The following WDR18 variants were observed in gnomAD, a reference collection of about 807,000 sequenced individuals.
The protein encoded by WDR18 is WD repeat-containing protein 18.
WDR18 carries 33 observed loss-of-function variants against 49.6 expected under a neutral mutation model. That is an observed-to-expected ratio of 0.67 (90% CI 0.50 to 0.89). The LOEUF (loss-of-function observed/expected upper bound fraction) is 0.89. Ranked by LOEUF, WDR18 falls within the 40% of genes least tolerant of loss-of-function variation. The pLI is 0.00. For synonymous variants in WDR18, 315 were observed against 263.6 expected (o/e 1.19, Z -1.89); for missense variants, 653 against 593.6 (o/e 1.10, Z -1.04).
chr19:990,567 G>A (rs1165340533), intron 4 of WDR18: 5 of 908,572 alleles, frequency 5.5e-6, no homozygotes, highest in Non-Finnish European at 7.9e-6. Flanking sequence ...TTCTGGCCCG[G>A]CTCCCTGGCC....
intron 2 of WDR18, among the ~76,000 whole-genome samples, chr19:988,175 T>C (rs2285899): frequency 0.46 from 69,247 of 151,596 alleles, 16,596 homozygotes; most frequent in Non-Finnish European, 0.54. Context: ...TGAAGGGGTG[T>C]CCCACATAGC....
chr19:992,640 G>A (rs1343826129), intron 8 of WDR18, among the ~76,000 whole-genome samples: 6 of 152,302 alleles, frequency 3.9e-5, no homozygotes, highest in Non-Finnish European at 7.4e-5. Context: ...GCAGGTACTA[G>A]GGTGGGCTCC....
intron 7 of WDR18, 95 bp from the exon 8 acceptor site, chr19:991,860 G>GT (rs1214760847): frequency 7.5e-7 from 1 of 1,325,088 alleles, no homozygotes; most frequent in Admixed American, 3.3e-5. Flanking sequence ...GGGACTGGCT[G>GT]GGGGCGGGGA....
chr19:984,511 T>C lies in WDR18; in HGVS notation c.158T>C (p.Leu53Pro). ...GCGCTGCTCAATGGCGAGTATCTGC[T>C]GGCGGCGCAGCTGGGCAAGAATTAC... is the stretch of plus-strand genomic sequence containing the variant. Reference protein sequence around the residue: ...GLALLNGEYLLAAQLGKNYIS... With the variant: ...GLALLNGEYLPAAQLGKNYIS... Residue 53 changes from leucine to proline, a missense_variant, in exon 1 of 10, where the codon CTG becomes CCG. By Grantham distance (98) the Leu-to-Pro change is moderately conservative. Transcript: ENST00000585809. 2 of 1,546,742 alleles carry C rather than the reference T, an allele frequency of 1.3e-6. No individual in the cohort carries two copies. Among genetic ancestry groups the C allele is most frequent in the Non-Finnish European group, 1.7e-6 (2 of 1,148,170 alleles).
chr19:990,756 G>T, intron 4 of WDR18, 96 bp from the exon 5 acceptor site: 1 of 1,487,764 alleles, frequency 6.7e-7, no homozygotes, highest in East Asian at 2.3e-5. Flanking sequence ...AGGGCCAGAG[G>T]ACAGCCGACG....
At chr19:994,128 GT>G in intron 9 of WDR18, 40 bp downstream of exon 9, 1 of 1,549,192 alleles carries the variant, frequency 6.5e-7, no homozygotes, top group Non-Finnish European at 8.7e-7. Context: ...TGAGGCTGGG[GT>G]CAGTCCTGGC....
chr19:991,387 C>G (rs1358161857), intron 7 of WDR18, 36 bp downstream of exon 7: 2 of 1,476,750 alleles, frequency 1.4e-6, no homozygotes, highest in East Asian at 5.4e-5. Flanking sequence ...GGCCAGCGCG[C>G]AGGGGAAAAA....
rs2038490267 is a variant in WDR18, at chr19:987,828, A to ATTTTTTTTTTTTTTTT, written c.321+1853_321+1854insTTTTTTTTTTTTTTTT. 1.5e-4 allele frequency among the ~76,000 whole-genome samples: 7 copies of ATTTTTTTTTTTTTTTT among 47,826 alleles called. No individual in the cohort carries two copies. In the East Asian group the frequency reaches 1.9e-3, roughly 13 times the overall value. 31.4% of individuals were successfully genotyped at this position (47,826 alleles called of 152,430 possible). ...GACCCCTGCTCCCCTAGCCGCCTCC[A>ATTTTTTTTTTTTTTTT]GTTTTTTTTTTTTTTTTTTTTTTTC... On this transcript the variant is annotated intron_variant, in intron 2 of 9. Transcript: ENST00000585809.
intron 7 of WDR18, 112 bp from the exon 8 acceptor site, chr19:991,826 GGGGCGTGGACTGGCTGT>G: frequency 9.7e-7 from 1 of 1,032,726 alleles, no homozygotes; most frequent in Non-Finnish European, 1.3e-6. Flanking sequence ...GGCCTGGCTG[GGGGCGTGGACTGGCTGT>G]GGGGCGGGGA....
rs914237118 is a variant in WDR18 at position 994,364 on chromosome 19, G to A, written c.*20G>A. The A allele has an allele frequency of 3.1e-6, 5 of 1,595,606 alleles. No homozygotes were observed. The highest frequency in any genetic ancestry group is 1.3e-5 in the African/African-American group (1 of 74,716). On this transcript the variant is annotated 3_prime_UTR_variant, in exon 10 of 10. Coordinates refer to ENST00000585809, the MANE Select transcript of WDR18 (RefSeq NM_024100.4). ...AAGTGAGGCCCGGAGACCCCGGCCC[G>A]AGGCGCCCAGGCCTGAGCCCCATGC... is the stretch of plus-strand genomic sequence containing the variant.
chr19:990,816 G>T, intron 4 of WDR18, 36 bp from the exon 5 acceptor site: 2 of 1,562,138 alleles, frequency 1.3e-6, no homozygotes. Flanking sequence ...GGTTCCCCCT[G>T]CCGGGCCGAG....
In WDR18 at chr19:984,437, C is replaced by T. The variant is rs897045530; in HGVS notation, c.84C>T (p.Gly28=). 4.1e-5 allele frequency: 66 copies of T among 1,600,146 alleles called. No homozygotes were observed. The highest frequency in any genetic ancestry group is 8.5e-5 in the Admixed American group (5 of 58,828). Residue 28 remains glycine, a synonymous_variant, in exon 1 of 10, where the codon GGC becomes GGT. Transcript: ENST00000585809. ...WSCIVWELHS[G]ANLLTYRGGQ... ...GCATCGTGTGGGAACTTCACTCGGG[C>T]GCCAACCTGCTCACCTACCGCGGCG...
At position 994,310 on chromosome 19, in the gene WDR18, TCTC is replaced by T; in HGVS notation, c.1267_1269del (p.Ser423del). The T allele has an allele frequency of 6.2e-7, 1 of 1,611,056 alleles. No homozygotes were observed. Among genetic ancestry groups the T allele is most frequent in the Non-Finnish European group, 8.5e-7 (1 of 1,179,342 alleles). On this transcript the variant is annotated inframe_deletion, in exon 10 of 10. Transcript: ENST00000585809. The stretch of plus-strand genomic sequence containing the variant: ...AAGATCAATCGGGACCTGTTCGACT[TCTC>T]CACGCGCTTCATCACGCGGCCGGCC...
chr19:992,090 G>C lies in WDR18; in HGVS notation c.1067G>C (p.Gly356Ala). Residue 356 changes from glycine to alanine, a missense_variant, in exon 8 of 10, where the codon GGC becomes GCC. Coordinates refer to ENST00000585809, the MANE Select transcript of WDR18 (RefSeq NM_024100.4). ...CACGGGGACGAGCCGCGCCACGGGGGCCTCACTCTGCGCCTGGGCCTCCAC... is the reference window on the plus strand; with the variant it reads ...CACGGGGACGAGCCGCGCCACGGGGCCCTCACTCTGCGCCTGGGCCTCCAC... ...AEHGDEPRHG[G>A]LTLRLGLHQQ... is the part of the protein sequence containing the mutation. The C allele has an allele frequency of 3.3e-6, 5 of 1,533,534 alleles. No individual in the cohort carries two copies. The highest frequency in any genetic ancestry group is 4.4e-6 in the Non-Finnish European group (5 of 1,145,558). 95.0% of individuals were successfully genotyped at this position (1,533,534 alleles called of 1,614,324 possible).
chr19:988,041 G>T (rs900582003), intron 2 of WDR18, among the ~76,000 whole-genome samples: 2 of 151,916 alleles, frequency 1.3e-5, no homozygotes, highest in East Asian at 3.9e-4. Context: ...GGTTGGCCAG[G>T]CTGGTTTCGA....
In WDR18 at chr19:987,325, A is replaced by C. The variant is rs2038485234; in HGVS notation, c.321+1350A>C. 2.0e-5 allele frequency among the ~76,000 whole-genome samples: 3 copies of C among 152,214 alleles called. No homozygotes were observed. In the South Asian group the frequency reaches 6.2e-4, roughly 31 times the overall value. ...ACCACTGCACTCCAGCCTGGGTGAC[A>C]GAGCAAGACCTTGTCTCCAAAGAAA... On this transcript the variant is annotated intron_variant, in intron 2 of 9. Coordinates refer to ENST00000585809, the MANE Select transcript of WDR18 (RefSeq NM_024100.4).
Position 991,064 on chromosome 19 carries a change from C to A in WDR18, c.742-17C>A. ...GGGCATCGGGCCTGCGGCTCACACA[C>A]GTCTCGGCCTTCGCAGCCCGGACAG... On this transcript the variant is annotated splice_polypyrimidine_tract_variant and intron_variant, in intron 5 of 9. Transcript: ENST00000585809. 2 of 1,603,222 alleles carry A rather than the reference C, an allele frequency of 1.2e-6. No homozygotes were observed. Among genetic ancestry groups the A allele is most frequent in the South Asian group, 1.1e-5 (1 of 89,522 alleles).
chr19:990,490 C>T, intron 4 of WDR18, 126 bp downstream of exon 4: 1 of 1,315,050 alleles, frequency 7.6e-7, no homozygotes, highest in Non-Finnish European at 1.0e-6. Context: ...TTTTAATCCC[C>T]TGGTGCTCTG....
In WDR18 at chr19:991,368, TCGGCCCGCGGCCAGCG is replaced by T. The variant is rs2038545719; in HGVS notation, c.931+20_931+35del. 1.3e-6 allele frequency: 2 copies of T among 1,511,570 alleles called. No individual in the cohort carries two copies. The highest frequency in any genetic ancestry group is 1.4e-5 in the African/African-American group (1 of 68,980). 93.6% of individuals were successfully genotyped at this position (1,511,570 alleles called of 1,614,324 possible). A position where few individuals can be genotyped will look rare whatever the true frequency, so the allele number is the denominator to read the frequency against. On this transcript the variant is annotated intron_variant, in intron 7 of 9. Coordinates refer to ENST00000585809, the MANE Select transcript of WDR18 (RefSeq NM_024100.4). ...CCCTCAAAGGTGGGCGCGCCTCTGC[TCGGCCCGCGGCCAGCG>T]CGCAGGGGAAAAAGCCAGCAGGAGC...
Sources: gnomAD v4.1 joint callset for allele counts (sites outside exome capture counted in the v4.1 genomes callset) on GRCh38, gnomAD v4.1.1 for gene constraint, MANE v1.5 for transcripts, NCBI Gene and HGNC (gene_info 2026-07-23, HGNC 2026-07-21) for gene names.